Variants in SGCZ observed in about 807,000 individuals in gnomAD.
SGCZ encodes zeta-sarcoglycan.
In SGCZ, 40 loss-of-function variants were observed where a neutral mutation model predicts 41.3. The observed-to-expected ratio is 0.97, with a 90% CI of 0.75 to 1.26. The LOEUF (loss-of-function observed/expected upper bound fraction) is 1.26. SGCZ is among the 50% of genes most tolerant of loss of function. SGCZ has a pLI of 0.00. For missense variants in SGCZ, 552 were observed against 369.8 expected (o/e 1.49, Z -4.04); for synonymous variants, 206 against 137.5 (o/e 1.50, Z -3.49).
chr8:14,478,880 CAA>C (rs1228033146), intron 2 of SGCZ, among the ~76,000 whole-genome samples: 1 of 152,092 alleles, frequency 6.6e-6, no homozygotes, highest in Non-Finnish European at 1.5e-5. Flanking sequence ...GCAAGAACTT[CAA>C]AATCTCTGGT....
intron 2 of SGCZ, among the ~76,000 whole-genome samples, chr8:14,432,038 T>C (rs1320297227): frequency 6.6e-6 from 1 of 152,120 alleles, no homozygotes; most frequent in Admixed American, 6.6e-5. Flanking sequence ...TAATAGATGC[T>C]GGTATGGATG....
At chr8:14,113,355 T>G (rs1214891055) in intron 5 of SGCZ, among the ~76,000 whole-genome samples, 2 of 152,142 alleles carry the variant, frequency 1.3e-5, no homozygotes, top group African/African-American at 2.4e-5. Context: ...CTGTAGTACT[T>G]GTCTTTAAAC....
chr8:14,254,092 C>T (rs1319231666), intron 3 of SGCZ, among the ~76,000 whole-genome samples: 2 of 152,000 alleles, frequency 1.3e-5, no homozygotes, highest in Admixed American at 6.6e-5. Context: ...CACTAAAATC[C>T]ATTAACAGAA....
intron 1 of SGCZ, among the ~76,000 whole-genome samples, chr8:14,739,747 A>C (rs957190654): frequency 6.6e-6 from 1 of 152,050 alleles, no homozygotes; most frequent in Admixed American, 6.6e-5. Flanking sequence ...AAGAGTCACA[A>C]CGTTAAAAGG....
intron 1 of SGCZ, among the ~76,000 whole-genome samples, chr8:14,822,040 G>A (rs2130571323): frequency 6.7e-6 from 1 of 149,672 alleles, no homozygotes; most frequent in East Asian, 2.0e-4. Flanking sequence ...GTTGGCAGAT[G>A]ACTTGATTTT....
intron 1 of SGCZ, among the ~76,000 whole-genome samples, chr8:15,230,578 A>G (rs1801910562): frequency 6.6e-6 from 1 of 152,228 alleles, no homozygotes. Context: ...TCAATGTGAA[A>G]ATAATTTCCT....
At chr8:14,637,827 T>C (rs1158434662) in intron 1 of SGCZ, among the ~76,000 whole-genome samples, 1 of 151,808 alleles carries the variant, frequency 6.6e-6, no homozygotes, top group African/African-American at 2.4e-5. Context: ...TTTCTTTGAG[T>C]ATATATCCAG....
intron 1 of SGCZ, among the ~76,000 whole-genome samples, chr8:14,588,883 G>C (rs1383972140): frequency 2.0e-5 from 3 of 152,132 alleles, no homozygotes; most frequent in African/African-American, 7.2e-5. Flanking sequence ...CTAATTAAAG[G>C]GAAAATAATT....
intron 1 of SGCZ, among the ~76,000 whole-genome samples, chr8:15,002,273 T>G (rs1020518864): frequency 1.3e-5 from 2 of 151,438 alleles, no homozygotes; most frequent in African/African-American, 4.8e-5. Context: ...TTAAGAAAAC[T>G]GAAAGATAAT....
intron 1 of SGCZ, among the ~76,000 whole-genome samples, chr8:14,925,824 G>A (rs1483902269): frequency 6.6e-6 from 1 of 151,828 alleles, no homozygotes; most frequent in Non-Finnish European, 1.5e-5. Context: ...ACCAGAGAAG[G>A]AAACTAAGGT....
chr8:14,211,969 G>A (rs2117097594), intron 4 of SGCZ, among the ~76,000 whole-genome samples: 1 of 152,252 alleles, frequency 6.6e-6, no homozygotes, highest in South Asian at 2.1e-4. Context: ...TCAGTCCTGA[G>A]GTGGAAGAAT....
Position 14,291,752 on chromosome 8 carries a change from C to T in SGCZ, c.336+32351G>A, listed in dbSNP as rs111336146. Among the ~76,000 whole-genome samples the T allele has an allele frequency of 4.5e-3, 682 of 152,100 alleles. 6 individuals carry two copies. Among genetic ancestry groups the T allele is most frequent in the Non-Finnish European group, 6.8e-3 (462 of 67,942 alleles). On this transcript the variant is annotated intron_variant, in intron 3 of 7. Coordinates refer to ENST00000382080, the MANE Select transcript of SGCZ (RefSeq NM_139167.4). ...GGAGTTAGAGGACTATTTGTGTGCA[C>T]ACTTTTCTATTCCTCTCTTTAGGAT...
intron 1 of SGCZ, among the ~76,000 whole-genome samples, chr8:14,826,808 G>C (rs1802340167): frequency 6.6e-6 from 1 of 152,090 alleles, no homozygotes; most frequent in Admixed American, 6.6e-5. Context: ...AAATTTGTTT[G>C]AGTTCATTGT....
intron 2 of SGCZ, among the ~76,000 whole-genome samples, chr8:14,442,300 G>C (rs1046366008): frequency 9.2e-5 from 14 of 152,082 alleles, no homozygotes; most frequent in Non-Finnish European, 1.8e-4. Flanking sequence ...GAGATCTGAT[G>C]GTTTTATAAA....
chr8:14,738,165 C>T (rs1384771720), intron 1 of SGCZ, among the ~76,000 whole-genome samples: 1 of 152,052 alleles, frequency 6.6e-6, no homozygotes, highest in Non-Finnish European at 1.5e-5. Context: ...GGGATCTCTA[C>T]TTTATATTAC....
intron 1 of SGCZ, among the ~76,000 whole-genome samples, chr8:14,631,898 T>C (rs543326438): frequency 6.9e-4 from 105 of 152,166 alleles, no homozygotes; most frequent in Non-Finnish European, 1.4e-3. Context: ...AATACTAAGA[T>C]TGGAACAAAC....
At chr8:14,417,558 C>G (rs1238403155) in intron 2 of SGCZ, among the ~76,000 whole-genome samples, 1 of 151,750 alleles carries the variant, frequency 6.6e-6, no homozygotes, top group African/African-American at 2.4e-5. Flanking sequence ...ATTTCCCCCC[C>G]TTAATTTCGT....
At chr8:14,382,647 A>G (rs1223680274) in intron 2 of SGCZ, among the ~76,000 whole-genome samples, 1 of 152,196 alleles carries the variant, frequency 6.6e-6, no homozygotes, top group African/African-American at 2.4e-5. Context: ...GAAGAACTTC[A>G]AATTTTTGCT....
At chr8:14,614,321 A>G (rs1196115706) in intron 1 of SGCZ, among the ~76,000 whole-genome samples, 2 of 152,168 alleles carry the variant, frequency 1.3e-5, no homozygotes, top group African/African-American at 2.4e-5. Flanking sequence ...ATATAATTAC[A>G]GTAATGAATA....
Sources: gnomAD v4.1 joint callset for allele counts (sites outside exome capture counted in the v4.1 genomes callset) on GRCh38, gnomAD v4.1.1 for gene constraint, MANE v1.5 for transcripts, NCBI Gene and HGNC (gene_info 2026-07-23, HGNC 2026-07-21) for gene names.